FSTL4: variants seen among roughly 807,000 people sequenced by gnomAD.
The protein encoded by FSTL4 is follistatin like 4, also known as follistatin-related protein 4.
FSTL4 carries 28 observed loss-of-function variants against 78.2 expected under a neutral mutation model. The observed-to-expected ratio is 0.36, with a 90% CI of 0.27 to 0.49. FSTL4 has a LOEUF of 0.49. Ranked by LOEUF, FSTL4 falls within the 20% of genes least tolerant of loss-of-function variation. The pLI, the probability that FSTL4 is intolerant of heterozygous loss-of-function variation, is 0.98. For synonymous variants in FSTL4, 422 were observed against 440.5 expected (o/e 0.96, Z 0.53); for missense variants, 922 against 1,084.9 (o/e 0.85, Z 2.11).
chr5:133,734,571 G>A, the FSTL4 span, among the ~76,000 whole-genome samples: 9,111 of 152,226 alleles, frequency 0.06, 383 homozygotes, highest in Middle Eastern at 0.12. Context: ...GCACACGATG[G>A]GGAGTCATTG....
At chr5:133,501,269 GA>G (rs66468612) in intron 3 of FSTL4, among the ~76,000 whole-genome samples, 87,706 of 149,328 alleles carry the variant, frequency 0.59, 25,728 homozygotes, top group Non-Finnish European at 0.64. Context: ...ACAATTTTAA[GA>G]AAAAAAAAAA....
At chr5:133,294,861 A>G (rs933760891) in intron 6 of FSTL4, among the ~76,000 whole-genome samples, 6 of 152,078 alleles carry the variant, frequency 3.9e-5, no homozygotes, top group Middle Eastern at 6.8e-3. Context: ...ATGGAATTTA[A>G]ATCACTGGAA....
intron 11 of FSTL4, among the ~76,000 whole-genome samples, chr5:133,221,891 GTTTTTTTTTTTTTTT>G (rs59400068): frequency 3.7e-4 from 16 of 43,360 alleles, no homozygotes; most frequent in East Asian, 1.5e-3. Flanking sequence ...CTCTTTTCTA[GTTTTTTTTTTTTTTT>G]TTTTTTTTTT....
rs1761095988 is a variant in FSTL4, at chr5:133,611,650, C to T, written c.-11+675G>A. Among the ~76,000 whole-genome samples, 1 of 152,222 alleles carries T rather than the reference C, an allele frequency of 6.6e-6. No homozygotes were observed. Among genetic ancestry groups the T allele is most frequent in the African/African-American group, 2.4e-5 (1 of 41,464 alleles). On this transcript the variant is annotated intron_variant, in intron 1 of 15. Transcript: ENST00000265342. This position sits in a 1 kb window ranked among gnomAD's most constrained non-coding sequence, Gnocchi z 4.9. ...GTACCCCGGGCCGCTCACTCTGGACCGCGGCCGGCTACGCACAAGCAGCGC... is the reference window on the plus strand; with the variant it reads ...GTACCCCGGGCCGCTCACTCTGGACTGCGGCCGGCTACGCACAAGCAGCGC...
chr5:133,438,852 G>T (rs1215563773), intron 3 of FSTL4, among the ~76,000 whole-genome samples: 3 of 152,240 alleles, frequency 2.0e-5, no homozygotes, highest in African/African-American at 7.2e-5. Context: ...GTATCTGGCT[G>T]CAGGCTAAGA....
chr5:133,836,512 A>T, the FSTL4 span, among the ~76,000 whole-genome samples: 1 of 152,132 alleles, frequency 6.6e-6, no homozygotes, highest in African/African-American at 2.4e-5. Context: ...ACATAGTCAG[A>T]TTTTTACCCA....
At chr5:133,249,345 A>C in intron 7 of FSTL4, 65 bp downstream of exon 7, 3 of 1,295,924 alleles carry the variant, frequency 2.3e-6, no homozygotes, top group Non-Finnish European at 3.4e-6. Context: ...TGTCTGTGGC[A>C]TCTTACCCAG....
intron 7 of FSTL4, chr5:133,246,614 G>A (rs887977565): frequency 6.6e-6 from 1 of 152,192 alleles, no homozygotes; most frequent in Admixed American, 6.5e-5. Flanking sequence ...CCCTGCGTGA[G>A]TCAAGGCTGA....
At chr5:133,579,980 G>T (rs1342028649) in intron 2 of FSTL4, among the ~76,000 whole-genome samples, 1 of 152,184 alleles carries the variant, frequency 6.6e-6, no homozygotes, top group Non-Finnish European at 1.5e-5. Flanking sequence ...AGGACTGGGT[G>T]CAAGTGGCGT....
chr5:133,807,971 C>G, the FSTL4 span, among the ~76,000 whole-genome samples: 1 of 152,108 alleles, frequency 6.6e-6, no homozygotes, highest in Non-Finnish European at 1.5e-5. Context: ...CTTCTGCTGC[C>G]TTGGATTTTT....
intron 3 of FSTL4, among the ~76,000 whole-genome samples, chr5:133,451,497 G>C (rs1561722263): frequency 6.6e-6 from 1 of 152,188 alleles, no homozygotes; most frequent in Non-Finnish European, 1.5e-5. Context: ...GGAGGGGGAG[G>C]TTGCAGTGAG....
At chr5:133,341,973 C>G (rs559231329) in intron 4 of FSTL4, among the ~76,000 whole-genome samples, 2 of 152,302 alleles carry the variant, frequency 1.3e-5, no homozygotes, top group South Asian at 4.1e-4. Context: ...CCCAGGCACT[C>G]AGGGCTTCCT....
chr5:133,817,539 G>A, the FSTL4 span, among the ~76,000 whole-genome samples: 2 of 152,210 alleles, frequency 1.3e-5, no homozygotes, highest in Admixed American at 6.5e-5. Flanking sequence ...GACCTGAAGT[G>A]TAAGAGGACC....
At position 133,481,539 on chromosome 5, in the gene FSTL4, CAAAA is replaced by C. The variant is rs34556142; in HGVS notation, c.161-80557_161-80554del. 1.4e-4 allele frequency among the ~76,000 whole-genome samples: 9 copies of C among 65,560 alleles called. No individual in the cohort carries two copies. The East Asian group carries it at 4.4e-3, about 32-fold the overall frequency. The allele number at this position is 65,560 out of a possible 152,430, so 43.0% of individuals were successfully genotyped here. ...CCCGGGTGACAGAGTGAGACTGTCT[CAAAA>C]AAAAAAAAAAAAAAAAAGCTATTAA... On this transcript the variant is annotated intron_variant, in intron 3 of 15. Coordinates refer to ENST00000265342, the MANE Select transcript of FSTL4 (RefSeq NM_015082.2).
chr5:133,517,232 G>C (rs369817009), intron 3 of FSTL4, among the ~76,000 whole-genome samples: 6 of 151,160 alleles, frequency 4.0e-5, no homozygotes, highest in Middle Eastern at 3.4e-3. Flanking sequence ...AGACCAGCCT[G>C]GCCAACATGG....
chr5:133,802,543 T>C, the FSTL4 span, among the ~76,000 whole-genome samples: 1 of 152,154 alleles, frequency 6.6e-6, no homozygotes, highest in Non-Finnish European at 1.5e-5. Flanking sequence ...TGGCCAGCCT[T>C]ACCAGAGCTG....
intron 13 of FSTL4, among the ~76,000 whole-genome samples, chr5:133,213,075 T>A (rs1444917478): frequency 1.5e-5 from 1 of 68,446 alleles, no homozygotes; most frequent in Admixed American, 1.9e-4. Context: ...CAATCTTGGC[T>A]CACTGCAATC....
the FSTL4 span, among the ~76,000 whole-genome samples, chr5:133,651,837 G>A: frequency 7.2e-5 from 11 of 152,216 alleles, no homozygotes; most frequent in African/African-American, 2.6e-4. Flanking sequence ...TCTATCTTCT[G>A]AAAGAGATTG....
chr5:133,217,331 C>T lies in FSTL4; in HGVS notation c.1506G>A (p.Gln502=), dbSNP rs1322457257. The change falls in exon 13 of 16, where the codon CAG becomes CAA. Residue 502 remains glutamine, a synonymous_variant. Transcript: ENST00000265342. The part of the protein sequence containing the change: ...QREKNATQPC[Q]WVSAVNVRNR... ...TCCGGACATTGACTGCAGATACCCA[C>T]TGGCAGGGCTGGGTTGCATTTTTTT... 1.9e-6 allele frequency: 3 copies of T among 1,613,982 alleles called. No individual in the cohort carries two copies. The highest frequency in any genetic ancestry group is 2.7e-5 in the African/African-American group (2 of 74,938).
Sources: allele counts gnomAD v4.1 joint callset (sites outside exome capture counted in the v4.1 genomes callset), GRCh38; gene constraint gnomAD v4.1.1; non-coding constraint Gnocchi (gnomAD v3.1); transcripts MANE v1.5; gene names NCBI Gene and HGNC (gene_info 2026-07-23, HGNC 2026-07-21).